Variants in ROBO2 observed in about 807,000 individuals in gnomAD.
ROBO2 encodes the protein roundabout homolog 2.
A neutral mutation model predicts 160.8 loss-of-function variants in ROBO2; 53 were observed. The observed-to-expected ratio is 0.33, with a 90% CI of 0.26 to 0.41. ROBO2 has a LOEUF of 0.41. ROBO2 is among the 10% of genes least tolerant of loss of function. ROBO2 has a pLI of 1.00. For missense variants in ROBO2, 1,577 were observed against 1,722.4 expected, an observed-to-expected ratio of 0.92 and a Z score of 1.49; for synonymous variants, 664 against 611.7, an observed-to-expected ratio of 1.09 and a Z score of -1.26.
chr3:76,263,378 T>C (rs2107601800), intron 2 of ROBO2, among the ~76,000 whole-genome samples: 1 of 152,102 alleles, frequency 6.6e-6, no homozygotes, highest in South Asian at 2.1e-4. Context: ...AGGCATGCAC[T>C]ACCATACCTA....
chr3:76,487,552 A>G lies in ROBO2; in HGVS notation c.109+549950A>G, dbSNP rs2079564860. 1.3e-5 allele frequency among the ~76,000 whole-genome samples: 2 copies of G among 152,188 alleles called. 1 individual carries two copies. Among genetic ancestry groups the G allele is most frequent in the Admixed American group, 1.3e-4 (2 of 15,274 alleles). On this transcript the variant is annotated intron_variant, in intron 2 of 26. Transcript: ENST00000487694. The stretch of plus-strand genomic sequence containing the variant: ...GATTTTAAAGTAAGCCTAGTGGTCC[A>G]GGAAATAACACGCCAAACACCAGTA...
In ROBO2 at chr3:76,208,025, T is replaced by C. The variant is rs372558312; in HGVS notation, c.109+270423T>C. On this transcript the variant is annotated intron_variant, in intron 2 of 26. Coordinates refer to the ROBO2 transcript ENST00000487694. ...TTAAAAGTGTTTAGCACCTCCCCAC[T>C]GTTACTCTTCCTCCTGTTCCAGCCC... 3.3e-5 allele frequency among the ~76,000 whole-genome samples: 5 copies of C among 152,284 alleles called. No individual in the cohort carries two copies. The East Asian group carries it at 9.7e-4, about 29-fold the overall frequency.
At chr3:77,096,269 A>G (rs2071044136) in intron 1 of ROBO2, among the ~76,000 whole-genome samples, 1 of 152,108 alleles carries the variant, frequency 6.6e-6, no homozygotes, top group Admixed American at 6.5e-5. Flanking sequence ...TTATGTCCCC[A>G]TATATGGTGA....
chr3:76,827,456 A>G (rs1026603969), intron 2 of ROBO2, among the ~76,000 whole-genome samples: 4 of 152,198 alleles, frequency 2.6e-5, no homozygotes, highest in Non-Finnish European at 5.9e-5. Flanking sequence ...AGATGTTCTT[A>G]AATAGAGTTG....
intron 5 of ROBO2, among the ~76,000 whole-genome samples, chr3:77,501,509 A>T (rs947658718): frequency 2.1e-4 from 32 of 152,316 alleles, no homozygotes; most frequent in African/African-American, 7.7e-4. Context: ...TAAGAGATCA[A>T]TGTTCTTATC....
At chr3:76,206,742 G>A (rs1342385424) in intron 2 of ROBO2, among the ~76,000 whole-genome samples, 1 of 152,106 alleles carries the variant, frequency 6.6e-6, no homozygotes, top group Non-Finnish European at 1.5e-5. Context: ...TCATCTCTCT[G>A]ACCCTCACCT....
At chr3:76,983,286 CA>C (rs987292048) in intron 2 of ROBO2, among the ~76,000 whole-genome samples, 27 of 145,596 alleles carry the variant, frequency 1.9e-4, no homozygotes, top group Middle Eastern at 3.6e-3. Flanking sequence ...GACTCCGTCT[CA>C]AAAAAAAAAT....
At chr3:76,295,491 A>T (rs34552351) in intron 2 of ROBO2, among the ~76,000 whole-genome samples, 19,724 of 152,078 alleles carry the variant, frequency 0.13, 1,652 homozygotes, top group African/African-American at 0.23. Context: ...AGGGTATATG[A>T]ACACTCCTGT....
intron 2 of ROBO2, among the ~76,000 whole-genome samples, chr3:77,435,757 AG>A (rs1181334214): frequency 2.0e-5 from 3 of 151,796 alleles, no homozygotes; most frequent in Non-Finnish European, 3.0e-5. Flanking sequence ...AAAATGAAAC[AG>A]GGTGGACAAA....
intron 2 of ROBO2, among the ~76,000 whole-genome samples, chr3:76,934,818 T>G (rs969272852): frequency 6.6e-6 from 1 of 152,132 alleles, no homozygotes; most frequent in Non-Finnish European, 1.5e-5. Flanking sequence ...ACTAATTAGC[T>G]TTTCCAAAAT....
chr3:77,411,690 A>G (rs1009058335), intron 2 of ROBO2, among the ~76,000 whole-genome samples: 1 of 152,226 alleles, frequency 6.6e-6, no homozygotes, highest in Non-Finnish European at 1.5e-5. Context: ...ATGTATATGT[A>G]TATTTATGCA....
At chr3:76,680,616 T>C (rs567760578) in intron 2 of ROBO2, among the ~76,000 whole-genome samples, 1 of 152,192 alleles carries the variant, frequency 6.6e-6, no homozygotes, top group African/African-American at 2.4e-5. Context: ...CATAAAATAG[T>C]CTCAATATTT....
chr3:77,412,733 C>A (rs1003686856), intron 2 of ROBO2, among the ~76,000 whole-genome samples: 13 of 152,188 alleles, frequency 8.5e-5, no homozygotes, highest in Admixed American at 7.9e-4. Flanking sequence ...CTTTCCTAAT[C>A]CATTTCCTGA....
At chr3:77,600,986 C>T (rs2094418636) in intron 19 of ROBO2, among the ~76,000 whole-genome samples, 1 of 152,136 alleles carries the variant, frequency 6.6e-6, no homozygotes, top group Non-Finnish European at 1.5e-5. Context: ...CATATCCGCT[C>T]AGCTGTAAAA....
chr3:76,837,108 G>A (rs1576955460), intron 2 of ROBO2, among the ~76,000 whole-genome samples: 1 of 151,892 alleles, frequency 6.6e-6, no homozygotes. Flanking sequence ...GGTTTGGGTA[G>A]TGCATTTTTA....
chr3:76,157,568 T>A (rs2072456968), intron 2 of ROBO2, among the ~76,000 whole-genome samples: 1 of 152,188 alleles, frequency 6.6e-6, no homozygotes, highest in Non-Finnish European at 1.5e-5. Flanking sequence ...TTCTAGCTAA[T>A]GTGAGAGAAG....
chr3:76,534,556 A>G (rs114917298), intron 2 of ROBO2, among the ~76,000 whole-genome samples: 23 of 152,200 alleles, frequency 1.5e-4, no homozygotes, highest in African/African-American at 4.3e-4. Context: ...TAAGGAAAAT[A>G]ATCTTTGTCT....
At chr3:76,408,878 C>T (rs2075349510) in intron 2 of ROBO2, among the ~76,000 whole-genome samples, 1 of 151,990 alleles carries the variant, frequency 6.6e-6, no homozygotes, top group African/African-American at 2.4e-5. Context: ...GTCTGGCCCT[C>T]TTCCCCTTGC....
In ROBO2 at chr3:77,581,617, C is replaced by T. The variant is rs1387115603; in HGVS notation, c.2500+1499C>T. Among the ~76,000 whole-genome samples, 3 of 152,102 alleles carry T rather than the reference C, an allele frequency of 2.0e-5. No individual in the cohort carries two copies. The South Asian group carries it at 6.2e-4, about 32-fold the overall frequency. On this transcript the variant is annotated intron_variant, in intron 16 of 25. Transcript: ENST00000461745. ...GATTTCTACTTTAATTCCCCTGAGGCCAGAGCCTCAGAATAATTTTTCTTT... is the reference window on the plus strand; with the variant it reads ...GATTTCTACTTTAATTCCCCTGAGGTCAGAGCCTCAGAATAATTTTTCTTT...
Sources: allele counts gnomAD v4.1 joint callset (sites outside exome capture counted in the v4.1 genomes callset), GRCh38; gene constraint gnomAD v4.1.1; transcripts MANE v1.5; gene names NCBI Gene and HGNC (gene_info 2026-07-23, HGNC 2026-07-21).